DTD1: variants seen among roughly 807,000 people sequenced by gnomAD.
The protein encoded by DTD1 is D-aminoacyl-tRNA deacylase 1, also known as D-tyrosyl-tRNA deacylase 1 homolog.
DTD1 carries 13 observed loss-of-function variants against 25.6 expected under a neutral mutation model. That is an observed-to-expected ratio of 0.51 (90% CI 0.33 to 0.81). The LOEUF (loss-of-function observed/expected upper bound fraction) is 0.81, where lower values mean the gene tolerates loss of function less well. DTD1 is among the 30% of genes least tolerant of loss of function. The pLI, the probability that DTD1 is intolerant of heterozygous loss-of-function variation, is 0.02. For missense variants in DTD1, 193 were observed against 266.4 expected (o/e 0.72, Z 1.92); for synonymous variants, 110 against 103.6 (o/e 1.06, Z -0.37).
chr20:18,673,619 C>G (rs944772759), intron 4 of DTD1, among the ~76,000 whole-genome samples: 1 of 152,110 alleles, frequency 6.6e-6, no homozygotes, highest in African/African-American at 2.4e-5. Context: ...CTGTTTATGT[C>G]TAAAATGACG....
chr20:18,617,037 T>C (rs1222029513), intron 3 of DTD1, among the ~76,000 whole-genome samples: 2 of 152,208 alleles, frequency 1.3e-5, no homozygotes, highest in African/African-American at 4.8e-5. Flanking sequence ...TTCCTCACTT[T>C]TATCTCATTT....
At chr20:18,732,444 A>G (rs16979534) in intron 4 of DTD1, among the ~76,000 whole-genome samples, 3,312 of 152,310 alleles carry the variant, frequency 0.022, 57 homozygotes, top group South Asian at 0.046. Flanking sequence ...TTTGCCTTCT[A>G]ATAGCTTACG....
chr20:18,629,381 G>T (rs1463427378), intron 4 of DTD1, among the ~76,000 whole-genome samples: 29 of 136,196 alleles, frequency 2.1e-4, no homozygotes, highest in African/African-American at 7.7e-4. Context: ...GCTCACTCCA[G>T]CCTCGACCTC....
chr20:18,618,976 GT>G (rs1252917126), intron 3 of DTD1, among the ~76,000 whole-genome samples: 1 of 152,108 alleles, frequency 6.6e-6, no homozygotes, highest in Non-Finnish European at 1.5e-5. Context: ...GCCTTCCAAA[GT>G]GCTGGGATCA....
At chr20:18,680,680 CCA>C (rs2060993610) in intron 4 of DTD1, among the ~76,000 whole-genome samples, 1 of 152,112 alleles carries the variant, frequency 6.6e-6, no homozygotes, top group African/African-American at 2.4e-5. Flanking sequence ...GGTGTGCAGG[CCA>C]AGGCCTCCGT....
chr20:18,764,891 AGT>A lies in DTD1; in HGVS notation c.*1552_*1553del. 2 of 152,382 alleles carry A rather than the reference AGT, an allele frequency of 1.3e-5. No homozygotes were observed. Among genetic ancestry groups the A allele is most frequent in the African/African-American group, 4.8e-5 (2 of 41,604 alleles). The allele number at this position is 152,382 out of a possible 1,614,324, so 9.4% of individuals were successfully genotyped here. On this transcript the variant is annotated 3_prime_UTR_variant, in exon 6 of 6. Transcript: ENST00000377452. The stretch of plus-strand genomic sequence containing the variant: ...CTTGAACCTACATGTCGATAAACTC[AGT>A]TGTAGGGTTTGGCTTGCTGGATAAC...
rs2061236509 is a variant in DTD1 at position 18,730,564 on chromosome 20, C to CT, written c.478-13532dup. ...TAATTGCTAATGAAGTTGAGCTCTT[C>CT]TTTTCCACAAGCTCATTAGGCATTT... On this transcript the variant is annotated intron_variant, in intron 4 of 5. Coordinates refer to ENST00000377452, the MANE Select transcript of DTD1 (RefSeq NM_080820.6). Among the ~76,000 whole-genome samples the CT allele has an allele frequency of 2.0e-5, 3 of 152,150 alleles. No homozygotes were observed. In the South Asian group the frequency reaches 6.2e-4, roughly 32 times the overall value.
At chr20:18,645,994 C>A (rs1471688447) in intron 4 of DTD1, among the ~76,000 whole-genome samples, 1 of 152,188 alleles carries the variant, frequency 6.6e-6, no homozygotes, top group African/African-American at 2.4e-5. Context: ...GAATGCTTGG[C>A]ATTTGAAATG....
chr20:18,609,862 G>T (rs936540465), intron 3 of DTD1, among the ~76,000 whole-genome samples: 4 of 152,202 alleles, frequency 2.6e-5, no homozygotes, highest in Non-Finnish European at 2.9e-5. Flanking sequence ...GTCTCCAGTG[G>T]TTTTTCCTAC....
chr20:18,669,067 C>T (rs2060942440), intron 4 of DTD1, among the ~76,000 whole-genome samples: 2 of 152,216 alleles, frequency 1.3e-5, no homozygotes, highest in Non-Finnish European at 1.5e-5. Flanking sequence ...CACTTGTGTT[C>T]AAGCTTCCTT....
intron 3 of DTD1, among the ~76,000 whole-genome samples, chr20:18,612,196 G>A (rs1355014292): frequency 2.6e-5 from 4 of 151,562 alleles, no homozygotes; most frequent in Non-Finnish European, 4.4e-5. Context: ...CACTACGCCC[G>A]GCTAATTTTT....
At chr20:18,663,019 C>T (rs2060917432) in intron 4 of DTD1, among the ~76,000 whole-genome samples, 1 of 152,186 alleles carries the variant, frequency 6.6e-6, no homozygotes, top group Non-Finnish European at 1.5e-5. Flanking sequence ...CCATGTGTCT[C>T]TGGTTATGCC....
intron 4 of DTD1, among the ~76,000 whole-genome samples, chr20:18,703,923 C>T (rs990515575): frequency 6.6e-6 from 1 of 151,056 alleles, no homozygotes; most frequent in Non-Finnish European, 1.5e-5. Context: ...CCACATATCT[C>T]GATGTCTTTG....
chr20:18,689,836 A>G (rs1446629075), intron 4 of DTD1, among the ~76,000 whole-genome samples: 1 of 152,160 alleles, frequency 6.6e-6, no homozygotes, highest in Non-Finnish European at 1.5e-5. Flanking sequence ...AAATTTTTTC[A>G]TAAGTTTAAA....
intron 4 of DTD1, among the ~76,000 whole-genome samples, chr20:18,676,595 A>G (rs940089052): frequency 6.6e-6 from 1 of 152,090 alleles, no homozygotes; most frequent in African/African-American, 2.4e-5. Flanking sequence ...TTGAACCTTC[A>G]TTTGTCTCTA....
At chr20:18,633,857 T>G (rs972539770) in intron 4 of DTD1, among the ~76,000 whole-genome samples, 1 of 152,342 alleles carries the variant, frequency 6.6e-6, no homozygotes, top group South Asian at 2.1e-4. Flanking sequence ...ACTGGACCGC[T>G]GCTTGTTTGC....
intron 5 of DTD1, among the ~76,000 whole-genome samples, chr20:18,756,631 C>G (rs1355146524): frequency 1.3e-5 from 2 of 152,020 alleles, no homozygotes; most frequent in Non-Finnish European, 2.9e-5. Context: ...TGGTCTATAT[C>G]TCTGTTTTGG....
chr20:18,637,540 T>A (rs2060811934), intron 4 of DTD1, among the ~76,000 whole-genome samples: 1 of 152,226 alleles, frequency 6.6e-6, no homozygotes, highest in South Asian at 2.1e-4. Context: ...GACTTGTAGT[T>A]GAAAGTAATT....
At chr20:18,689,685 C>T (rs1286119747) in intron 4 of DTD1, among the ~76,000 whole-genome samples, 3 of 152,086 alleles carry the variant, frequency 2.0e-5, no homozygotes, top group Non-Finnish European at 4.4e-5. Flanking sequence ...TTAAAACTAT[C>T]TAGACCAGCA....
Sources: allele counts gnomAD v4.1 joint callset (sites outside exome capture counted in the v4.1 genomes callset), GRCh38; gene constraint gnomAD v4.1.1; transcripts MANE v1.5; gene names NCBI Gene and HGNC (gene_info 2026-07-23, HGNC 2026-07-21).